Variants in BBS4 observed in about 807,000 individuals in gnomAD.
The protein encoded by BBS4 is Bardet-Biedl syndrome 4, also known as BBSome complex member BBS4.
BBS4 carries 58 observed loss-of-function variants against 71.4 expected under a neutral mutation model. The ratio of observed to expected loss-of-function variants is 0.81; its 90% CI spans 0.66 to 1.01. The LOEUF (loss-of-function observed/expected upper bound fraction) is 1.01, where lower values mean the gene tolerates loss of function less well. BBS4 is among the 50% of genes least tolerant of loss of function. BBS4 has a pLI of 0.00. For missense variants in BBS4, 660 were observed against 607.9 expected (o/e 1.09, Z -0.90); for synonymous variants, 228 against 216.8 (o/e 1.05, Z -0.46).
At chr15:72,726,492 C>T (rs971623322) in intron 8 of BBS4, among the ~76,000 whole-genome samples, 1 of 152,164 alleles carries the variant, frequency 6.6e-6, no homozygotes, top group Non-Finnish European at 1.5e-5. Flanking sequence ...AATGTCTGGT[C>T]TGTGGTTCAA....
At chr15:72,711,648 C>A (rs1482934621) in intron 3 of BBS4, among the ~76,000 whole-genome samples, 1 of 151,810 alleles carries the variant, frequency 6.6e-6, no homozygotes, top group Non-Finnish European at 1.5e-5. Flanking sequence ...TTTTTATAAC[C>A]CTTTAGAAAT....
chr15:72,696,392 A>T (rs1334664052), intron 2 of BBS4, among the ~76,000 whole-genome samples: 2 of 152,204 alleles, frequency 1.3e-5, no homozygotes, highest in African/African-American at 4.8e-5. Context: ...CCCTTTTTTT[A>T]GTACAAATTC....
Position 72,737,498 on chromosome 15 carries a change from T to C in BBS4, c.1471T>C (p.Phe491Leu), listed in dbSNP as rs1290634065. 6.2e-7 allele frequency: 1 copy of C among 1,612,930 alleles called. No individual in the cohort carries two copies. Among genetic ancestry groups the C allele is most frequent in the East Asian group, 2.2e-5 (1 of 44,880 alleles). The change falls in exon 16 of 16, where the codon TTC becomes CTC. Residue 491 changes from phenylalanine to leucine, a missense_variant. Phe to Leu is a conservative substitution (Grantham distance 22). Coordinates refer to ENST00000268057, the MANE Select transcript of BBS4 (RefSeq NM_033028.5). Reference sequence around the variant, plus strand: ...ACTAGGTGCTGGAGGAACATCCCAGTTCACAAAGCCCCCATCTCTTCCTCT... The same window carrying C: ...ACTAGGTGCTGGAGGAACATCCCAGCTCACAAAGCCCCCATCTCTTCCTCT... ...LPSGAGGTSQ[F>L]TKPPSLPLEP... is the part of the protein sequence containing the mutation.
At chr15:72,715,667 A>G (rs1270563223) in intron 5 of BBS4, among the ~76,000 whole-genome samples, 2 of 152,254 alleles carry the variant, frequency 1.3e-5, no homozygotes. Flanking sequence ...TCATGTAAAT[A>G]GAGACACCTT....
Position 72,738,037 on chromosome 15 carries a change from C to T in BBS4, c.*450C>T. On this transcript the variant is annotated 3_prime_UTR_variant, in exon 16 of 16. Coordinates refer to ENST00000268057, the MANE Select transcript of BBS4 (RefSeq NM_033028.5). The stretch of plus-strand genomic sequence containing the variant: ...TCCTCAGGTTGTGAGGTTTATTAGT[C>T]CCCAAGGCAAACACAAATATTAGAT... 2.2e-6 allele frequency: 1 copy of T among 454,076 alleles called. No individual in the cohort carries two copies. The highest frequency in any genetic ancestry group is 1.6e-5 in the South Asian group (1 of 64,470). The allele number at this position is 454,076 out of a possible 1,614,324, so 28.1% of individuals were successfully genotyped here.
intron 8 of BBS4, among the ~76,000 whole-genome samples, 158 bp downstream of exon 8, chr15:72,724,813 G>C (rs1202229246): frequency 6.6e-6 from 1 of 152,098 alleles, no homozygotes; most frequent in African/African-American, 2.4e-5. Flanking sequence ...GCTTCAATAA[G>C]GTAGACTGTG....
chr15:72,719,048 A>G (rs1184762481), intron 6 of BBS4, among the ~76,000 whole-genome samples: 1 of 152,000 alleles, frequency 6.6e-6, no homozygotes, highest in Admixed American at 6.6e-5. Flanking sequence ...GGGACCCTGG[A>G]AAAAAAGAGT....
chr15:72,736,898 T>TG lies in BBS4; in HGVS notation c.1388dup (p.Ser464LeufsTer2). 1 of 1,614,230 alleles carries TG rather than the reference T, an allele frequency of 6.2e-7. No individual in the cohort carries two copies. Among genetic ancestry groups the TG allele is most frequent in the Non-Finnish European group, 8.5e-7 (1 of 1,180,036 alleles). ...AAACCTGCCAGTTTCCAGCAGCCTC[T>TG]GGGCTCTAATCAAGCTCTAGGACAG... On this transcript the variant is annotated frameshift_variant, in exon 15 of 16. Coordinates refer to ENST00000268057, the MANE Select transcript of BBS4 (RefSeq NM_033028.5). LOFTEE classifies it high-confidence loss of function.
chr15:72,732,321 C>A (rs967455735), intron 12 of BBS4, among the ~76,000 whole-genome samples: 1 of 152,068 alleles, frequency 6.6e-6, no homozygotes, highest in Non-Finnish European at 1.5e-5. Flanking sequence ...TATAGAATGC[C>A]ATTCTCTTCC....
chr15:72,715,585 A>G (rs147563580), intron 5 of BBS4, among the ~76,000 whole-genome samples, 183 bp downstream of exon 5: 59 of 152,368 alleles, frequency 3.9e-4, no homozygotes, highest in African/African-American at 1.3e-3. Flanking sequence ...AGAAAATGAG[A>G]TAACTAGTGT....
intron 7 of BBS4, among the ~76,000 whole-genome samples, chr15:72,723,735 C>CT (rs2065616801): frequency 6.6e-6 from 1 of 152,008 alleles, no homozygotes; most frequent in Non-Finnish European, 1.5e-5. Context: ...TAGTGGGCCC[C>CT]TTAGGTTTTG....
At chr15:72,737,132 T>G in intron 15 of BBS4, 169 bp downstream of exon 15, 1 of 804,656 alleles carries the variant, frequency 1.2e-6, no homozygotes, top group Non-Finnish European at 2.0e-6. Flanking sequence ...ACTTGTTTCC[T>G]TAAGGCGAGC....
chr15:72,731,368 TAC>T lies in BBS4; in HGVS notation c.777_778del (p.Tyr259Ter), dbSNP rs1459736027. ...GGACTTTGATGTTGCCCTCACCAAATACAGAGTTGTGGCTTGTGCTGTTCCAG... is the reference window on the plus strand; with the variant it reads ...GGACTTTGATGTTGCCCTCACCAAATAGAGTTGTGGCTTGTGCTGTTCCAG... The part of the protein sequence containing the change: ...HGDFDVALTK[Y>X]RVVACAVPES... On this transcript the variant is annotated frameshift_variant, in exon 11 of 16. Coordinates refer to ENST00000268057, the MANE Select transcript of BBS4 (RefSeq NM_033028.5). LOFTEE classifies it high-confidence loss of function. 2.5e-6 allele frequency: 4 copies of T among 1,614,184 alleles called. No individual in the cohort carries two copies. The highest frequency in any genetic ancestry group is 3.4e-6 in the Non-Finnish European group (4 of 1,180,022).
chr15:72,713,418 C>T (rs2065414962), intron 4 of BBS4, among the ~76,000 whole-genome samples: 2 of 151,974 alleles, frequency 1.3e-5, no homozygotes, highest in African/African-American at 4.8e-5. Flanking sequence ...TGTCTTCCAC[C>T]TCCTTATGGA....
intron 4 of BBS4, among the ~76,000 whole-genome samples, chr15:72,713,349 A>G (rs1173821517): frequency 8.9e-6 from 1 of 112,566 alleles, no homozygotes; most frequent in African/African-American, 2.9e-5. Flanking sequence ...ACACACACAC[A>G]CGCACACGCA....
At chr15:72,717,137 T>C in intron 6 of BBS4, 1 of 414,846 alleles carries the variant, frequency 2.4e-6, no homozygotes, top group Non-Finnish European at 4.4e-6. Context: ...TCATTGGAAT[T>C]CCACAGTATC....
At chr15:72,724,677 A>C in intron 8 of BBS4, 22 bp downstream of exon 8, 1 of 1,613,284 alleles carries the variant, frequency 6.2e-7, no homozygotes, top group Non-Finnish European at 8.5e-7. Flanking sequence ...TGTTTCCTTT[A>C]AAACAGTGAG....
At chr15:72,713,570 A>T (rs1409764714) in intron 4 of BBS4, among the ~76,000 whole-genome samples, 1 of 152,218 alleles carries the variant, frequency 6.6e-6, no homozygotes, top group Non-Finnish European at 1.5e-5. Context: ...TAAAATAAAG[A>T]TTAAAATGTA....
At chr15:72,718,070 A>C (rs1595930908) in intron 6 of BBS4, among the ~76,000 whole-genome samples, 1 of 152,150 alleles carries the variant, frequency 6.6e-6, no homozygotes, top group African/African-American at 2.4e-5. Flanking sequence ...GCTGGTCTCC[A>C]ACTCCTGACC....
Sources: gnomAD v4.1 joint callset for allele counts (sites outside exome capture counted in the v4.1 genomes callset) on GRCh38, gnomAD v4.1.1 for gene constraint, MANE v1.5 for transcripts, NCBI Gene and HGNC (gene_info 2026-07-23, HGNC 2026-07-21) for gene names.